Variants in PACRG observed in about 807,000 individuals in gnomAD.
PACRG encodes parkin coregulated, also known as parkin coregulated gene protein.
In PACRG, 29 loss-of-function variants were observed where a neutral mutation model predicts 29.7. The observed-to-expected ratio is 0.98, with a 90% CI of 0.73 to 1.33. The LOEUF (loss-of-function observed/expected upper bound fraction) is 1.33. PACRG is among the 40% of genes most tolerant of loss of function. The pLI is 0.00. For missense variants in PACRG, 279 were observed against 316.2 expected, an observed-to-expected ratio of 0.88 and a Z score of 0.89; for synonymous variants, 116 against 118.7, an observed-to-expected ratio of 0.98 and a Z score of 0.15.
At chr6:162,825,923 C>T (rs1788234182) in intron 2 of PACRG, among the ~76,000 whole-genome samples, 1 of 151,856 alleles carries the variant, frequency 6.6e-6, no homozygotes, top group Non-Finnish European at 1.5e-5. Flanking sequence ...TTGAGAATGG[C>T]TATGCATTTA....
chr6:162,787,440 T>C (rs1784543883), intron 1 of PACRG, among the ~76,000 whole-genome samples: 1 of 151,040 alleles, frequency 6.6e-6, no homozygotes, highest in South Asian at 2.1e-4. Flanking sequence ...TACACACACA[T>C]ATACACACAT....
intron 4 of PACRG, chr6:163,191,589 A>G (rs762861544): frequency 2.2e-6 from 1 of 454,856 alleles, no homozygotes; most frequent in Non-Finnish European, 4.4e-6. Context: ...TCGTTGAGCT[A>G]AGATACACTC....
intron 4 of PACRG, among the ~76,000 whole-genome samples, chr6:163,169,134 G>A (rs1338800306): frequency 6.6e-6 from 1 of 152,202 alleles, no homozygotes; most frequent in South Asian, 2.1e-4. Flanking sequence ...AAAAGCTCAA[G>A]ATGAGAAGCA....
intron 2 of PACRG, among the ~76,000 whole-genome samples, chr6:162,988,014 A>G (rs1385771041): frequency 6.6e-6 from 1 of 152,184 alleles, no homozygotes; most frequent in East Asian, 1.9e-4. Flanking sequence ...GGCACATTCA[A>G]GAGAACACCA....
intron 4 of PACRG, among the ~76,000 whole-genome samples, chr6:163,287,506 G>A (rs989101801): frequency 6.6e-6 from 1 of 152,166 alleles, no homozygotes; most frequent in Admixed American, 6.5e-5. Flanking sequence ...CAGCCCGCAG[G>A]ATCTGGGTCA....
chr6:163,309,133 T>C (rs1267354995), intron 4 of PACRG, among the ~76,000 whole-genome samples: 2 of 152,214 alleles, frequency 1.3e-5, no homozygotes, highest in Non-Finnish European at 2.9e-5. Context: ...TTCCGACAAA[T>C]GCTGGGTACG....
At chr6:162,785,639 G>T (rs1784410007) in intron 1 of PACRG, among the ~76,000 whole-genome samples, 1 of 152,160 alleles carries the variant, frequency 6.6e-6, no homozygotes, top group Non-Finnish European at 1.5e-5. Context: ...TGATCATCAG[G>T]CATTAGTTAG....
intron 1 of PACRG, among the ~76,000 whole-genome samples, chr6:162,732,120 C>A (rs895468194): frequency 6.6e-6 from 1 of 152,230 alleles, no homozygotes; most frequent in Non-Finnish European, 1.5e-5. Context: ...TCCAACTGGC[C>A]AGAACCTAGT....
chr6:163,073,304 T>C (rs1207539118), intron 3 of PACRG, among the ~76,000 whole-genome samples: 1 of 152,208 alleles, frequency 6.6e-6, no homozygotes, highest in East Asian at 1.9e-4. Flanking sequence ...GAACTCATTT[T>C]TGACAAAGGT....
intron 1 of PACRG, among the ~76,000 whole-genome samples, chr6:162,764,219 G>A (rs1355803675): frequency 2.0e-5 from 3 of 152,136 alleles, no homozygotes; most frequent in African/African-American, 7.2e-5. Flanking sequence ...AGGTTGCAGG[G>A]AGCCAGGATT....
chr6:163,040,252 C>A (rs1036577920), intron 2 of PACRG, among the ~76,000 whole-genome samples: 20 of 152,348 alleles, frequency 1.3e-4, no homozygotes, highest in African/African-American at 4.8e-4. Context: ...CGCAGGTGCA[C>A]AGAAGACAAG....
chr6:162,972,124 A>T (rs1018279327), intron 2 of PACRG, among the ~76,000 whole-genome samples: 2 of 152,198 alleles, frequency 1.3e-5, no homozygotes, highest in African/African-American at 2.4e-5. Context: ...TGCCTGTCAC[A>T]GGTTTTAAGA....
intron 1 of PACRG, among the ~76,000 whole-genome samples, chr6:162,809,579 T>G (rs957043883): frequency 6.6e-5 from 10 of 152,188 alleles, no homozygotes; most frequent in Non-Finnish European, 1.3e-4. Flanking sequence ...GTCAAAAGTT[T>G]GAACATTAAG....
At chr6:163,092,701 A>G (rs1814221560) in intron 4 of PACRG, among the ~76,000 whole-genome samples, 1 of 152,224 alleles carries the variant, frequency 6.6e-6, no homozygotes, top group South Asian at 2.1e-4. Context: ...TAGGGTGGGC[A>G]TAATTAGAGA....
intron 4 of PACRG, among the ~76,000 whole-genome samples, chr6:163,260,642 G>T (rs1783288421): frequency 1.3e-5 from 2 of 152,292 alleles, no homozygotes; most frequent in Non-Finnish European, 2.9e-5. Context: ...CCTGGGTAGA[G>T]ACAGGGAAAG....
chr6:163,212,747 G>A (rs949306837), intron 4 of PACRG, among the ~76,000 whole-genome samples: 3 of 71,526 alleles, frequency 4.2e-5, no homozygotes, highest in African/African-American at 1.7e-4. Context: ...TAATTATAAA[G>A]GGAAGAAGAG....
At chr6:163,143,718 A>C (rs2128335359) in intron 4 of PACRG, among the ~76,000 whole-genome samples, 1 of 152,268 alleles carries the variant, frequency 6.6e-6, no homozygotes, top group East Asian at 1.9e-4. Flanking sequence ...GTGGCTGAGA[A>C]ATCAACAGGC....
chr6:163,252,951 G>C (rs1433874922), intron 4 of PACRG, among the ~76,000 whole-genome samples: 1 of 152,152 alleles, frequency 6.6e-6, no homozygotes, highest in East Asian at 1.9e-4. Flanking sequence ...CTCCATTGCT[G>C]CTTTGACCTA....
intron 4 of PACRG, among the ~76,000 whole-genome samples, chr6:163,307,919 T>G (rs538146066): frequency 5.3e-5 from 8 of 152,200 alleles, no homozygotes; most frequent in Admixed American, 1.3e-4. Context: ...AAAGACCAGA[T>G]TGGAATTCAT....
Sources: gnomAD v4.1 joint callset for allele counts (sites outside exome capture counted in the v4.1 genomes callset) on GRCh38, gnomAD v4.1.1 for gene constraint, MANE v1.5 for transcripts, NCBI Gene and HGNC (gene_info 2026-07-23, HGNC 2026-07-21) for gene names.